KIF26B: variants seen among roughly 807,000 people sequenced by gnomAD.
KIF26B encodes kinesin family member 26B, also known as kinesin-like protein KIF26B.
Under a neutral mutation model 151.2 loss-of-function variants are expected in KIF26B, and 63 were observed. The ratio of observed to expected loss-of-function variants is 0.42; its 90% CI spans 0.34 to 0.51. KIF26B has a LOEUF of 0.51. Among genes scored for constraint, KIF26B ranks in the 20% least tolerant of loss-of-function variants. The pLI is 0.07. For synonymous variants in KIF26B, 1,357 were observed against 1,262.1 expected (o/e 1.08, Z -1.59); for missense variants, 2,813 against 2,913.6 (o/e 0.97, Z 0.79).
intron 2 of KIF26B, among the ~76,000 whole-genome samples, chr1:245,286,872 C>G (rs1385495699): frequency 6.6e-6 from 1 of 152,142 alleles, no homozygotes; most frequent in East Asian, 1.9e-4. Flanking sequence ...CTTTGGGAGG[C>G]CGAGATAAGC....
chr1:245,684,065 A>G (rs138553148), intron 10 of KIF26B, among the ~76,000 whole-genome samples, 168 bp from the exon 11 acceptor site: 92 of 152,378 alleles, frequency 6.0e-4, no homozygotes, highest in African/African-American at 2.0e-3. Context: ...GGTGCTTGCC[A>G]ACTACAAATA....
At chr1:245,506,962 G>A (rs891960881) in intron 4 of KIF26B, among the ~76,000 whole-genome samples, 10 of 152,212 alleles carry the variant, frequency 6.6e-5, no homozygotes, top group African/African-American at 2.4e-4. Flanking sequence ...TTACAGGCGT[G>A]AGCCACGGTG....
At chr1:245,282,955 C>T (rs757364161) in intron 2 of KIF26B, 31 of 314,564 alleles carry the variant, frequency 9.9e-5, no homozygotes, top group South Asian at 2.7e-4. Flanking sequence ...TAGCCACCAC[C>T]GAAGGCAGAT....
chr1:245,484,772 A>C (rs567996690), intron 4 of KIF26B, among the ~76,000 whole-genome samples: 38 of 125,914 alleles, frequency 3.0e-4, no homozygotes, highest in African/African-American at 1.0e-3. Flanking sequence ...TCTTCATATT[A>C]TTATTATTAT....
intron 10 of KIF26B, among the ~76,000 whole-genome samples, chr1:245,655,456 C>A (rs572425079): frequency 1.3e-5 from 2 of 152,320 alleles, no homozygotes; most frequent in East Asian, 3.9e-4. Flanking sequence ...TCGAAATGAA[C>A]CCTCATGCAT....
At chr1:245,646,018 C>G in intron 9 of KIF26B, 103 bp from the exon 10 acceptor site, 1 of 1,247,850 alleles carries the variant, frequency 8.0e-7, no homozygotes, top group Admixed American at 2.3e-5. Context: ...CCTTTTACTT[C>G]CCCTTCTCAT....
chr1:245,297,164 G>A (rs1671351564), intron 2 of KIF26B, among the ~76,000 whole-genome samples: 1 of 152,262 alleles, frequency 6.6e-6, no homozygotes. Flanking sequence ...CCAACATGGT[G>A]AAACCCCATC....
intron 5 of KIF26B, among the ~76,000 whole-genome samples, chr1:245,558,912 G>C (rs944720169): frequency 1.3e-5 from 2 of 152,196 alleles, no homozygotes; most frequent in African/African-American, 2.4e-5. Flanking sequence ...TAGTATTACA[G>C]GAGATGCTCT....
intron 4 of KIF26B, among the ~76,000 whole-genome samples, chr1:245,491,248 A>G (rs997398627): frequency 6.6e-6 from 1 of 152,222 alleles, no homozygotes; most frequent in Non-Finnish European, 1.5e-5. Context: ...GCTTACATAT[A>G]AGTGGCTTTG....
chr1:245,475,342 G>A (rs1660011172), intron 4 of KIF26B, among the ~76,000 whole-genome samples: 1 of 151,798 alleles, frequency 6.6e-6, no homozygotes, highest in Admixed American at 6.6e-5. Flanking sequence ...TCTACTGAGC[G>A]AAGACTTGGT....
At chr1:245,404,802 A>G (rs1423457946) in intron 3 of KIF26B, among the ~76,000 whole-genome samples, 3 of 152,246 alleles carry the variant, frequency 2.0e-5, no homozygotes, top group Non-Finnish European at 4.4e-5. Context: ...TGATGCAGAG[A>G]GCAGGGAAGT....
chr1:245,604,720 G>A (rs1452142294), intron 6 of KIF26B, among the ~76,000 whole-genome samples: 5 of 152,110 alleles, frequency 3.3e-5, no homozygotes, highest in Admixed American at 1.3e-4. Context: ...TTTCACACTC[G>A]GCTGCAGAGC....
At chr1:245,287,864 T>C (rs1487872191) in intron 2 of KIF26B, among the ~76,000 whole-genome samples, 2 of 152,110 alleles carry the variant, frequency 1.3e-5, no homozygotes, top group Non-Finnish European at 2.9e-5. Context: ...AGTAGTAACT[T>C]GGGAATTTCA....
chr1:245,179,785 C>G (rs1011941227), intron 2 of KIF26B, among the ~76,000 whole-genome samples: 1 of 152,156 alleles, frequency 6.6e-6, no homozygotes, highest in Non-Finnish European at 1.5e-5. Flanking sequence ...TCAGAAAGAC[C>G]AGGGGTGGAC....
intron 4 of KIF26B, among the ~76,000 whole-genome samples, chr1:245,470,851 T>G (rs1659898385): frequency 6.6e-6 from 1 of 152,184 alleles, no homozygotes; most frequent in African/African-American, 2.4e-5. Flanking sequence ...AGCTTTCAGA[T>G]GCTCATTTCC....
rs2044533197 is a variant in KIF26B, at chr1:245,686,881, G to A, written c.3898G>A (p.Ala1300Thr). 1.9e-6 allele frequency: 3 copies of A among 1,613,584 alleles called. No individual in the cohort carries two copies. The highest frequency in any genetic ancestry group is 1.7e-6 in the Non-Finnish European group (2 of 1,179,844). ...TGAGCAGTCGTGCCACAGTTTCATA[G>A]CCCAGACGTGTTTTGGGCACGGGGA... is the stretch of plus-strand genomic sequence containing the variant. ...EGEQSCHSFI[A>T]QTCFGHGEAM... is the part of the protein sequence containing the mutation. Residue 1300 changes from alanine (A) to threonine (T), a missense_variant, in exon 12 of 15, where the codon GCC becomes ACC. This residue lies in a region of KIF26B where 2,060 missense variants were observed against 2,088.6 expected (regional missense o/e 0.99). Transcript: ENST00000407071. This position sits in a 1 kb window ranked among gnomAD's most constrained non-coding sequence, Gnocchi z 5.6.
rs192454729 is a variant in KIF26B at position 245,355,784 on chromosome 1, G to A, written c.466-11050G>A. On this transcript the variant is annotated intron_variant, in intron 2 of 14. Coordinates refer to ENST00000407071, the MANE Select transcript of KIF26B (RefSeq NM_018012.4). ...TTGTATAATAAGCAGCAGCCCCCACGCTCAGGTGTTTGGAGGAGTTGCAAT... is the reference window on the plus strand; with the variant it reads ...TTGTATAATAAGCAGCAGCCCCCACACTCAGGTGTTTGGAGGAGTTGCAAT... Among the ~76,000 whole-genome samples the A allele has an allele frequency of 6.6e-5, 10 of 152,222 alleles. No individual in the cohort carries two copies. The South Asian group carries it at 1.7e-3, about 25-fold the overall frequency.
chr1:245,367,047 A>C lies in KIF26B; in HGVS notation c.679A>C (p.Ile227Leu), dbSNP rs747746700. 1 of 1,610,030 alleles carries C rather than the reference A, an allele frequency of 6.2e-7. No homozygotes were observed. Among genetic ancestry groups the C allele is most frequent in the Admixed American group, 1.7e-5 (1 of 59,454 alleles). Residue 227 changes from isoleucine (I) to leucine (L), a missense_variant, in exon 3 of 15, where the codon ATC becomes CTC. Ile to Leu is a conservative substitution (Grantham distance 5). Transcript: ENST00000407071. The surrounding 1 kb of genome is among the most constrained non-coding windows in gnomAD (Gnocchi z 4.2). Reference protein sequence around the residue: ...SPCSPPPLSNIPTLVGSRHVG... With the variant: ...SPCSPPPLSNLPTLVGSRHVG... Reference sequence around the variant, plus strand: ...CTGCTCCCCGCCACCGCTCTCCAACATCCCCACCCTGGTGGGGTCCCGGCA... The same window carrying C: ...CTGCTCCCCGCCACCGCTCTCCAACCTCCCCACCCTGGTGGGGTCCCGGCA...
At position 245,375,968 on chromosome 1, in the gene KIF26B, G is replaced by T. The variant is rs1459568240; in HGVS notation, c.999+8601G>T. Among the ~76,000 whole-genome samples, 2 of 152,070 alleles carry T rather than the reference G, an allele frequency of 1.3e-5. No individual in the cohort carries two copies. The highest frequency in any genetic ancestry group is 4.8e-5 in the African/African-American group (2 of 41,398). On this transcript the variant is annotated intron_variant, in intron 3 of 14. Transcript: ENST00000407071. This position sits in a 1 kb window ranked among gnomAD's most constrained non-coding sequence, Gnocchi z 4.2. ...TGCGATTGTCTCAGATTTCCCTATT[G>T]TTATAGAATCATAATAAGTAGCACA...
Sources: allele counts gnomAD v4.1 joint callset (sites outside exome capture counted in the v4.1 genomes callset), GRCh38; gene constraint gnomAD v4.1.1; regional missense constraint gnomAD v4.1.1; non-coding constraint Gnocchi (gnomAD v3.1); transcripts MANE v1.5; gene names NCBI Gene and HGNC (gene_info 2026-07-23, HGNC 2026-07-21).